The following TMLHE variants were observed in gnomAD, a reference collection of about 807,000 sequenced individuals.
TMLHE encodes trimethyllysine hydroxylase, epsilon.
Under a neutral mutation model 25.7 loss-of-function variants are expected in TMLHE, and 18 were observed. That is an observed-to-expected ratio of 0.70 (90% CI 0.48 to 1.04). The LOEUF (loss-of-function observed/expected upper bound fraction) is 1.04. TMLHE is among the 50% of genes least tolerant of loss of function. The pLI, the probability that TMLHE is intolerant of heterozygous loss-of-function variation, is 0.00. For missense variants in TMLHE, 236 were observed against 259.0 expected (o/e 0.91, Z 0.61); for synonymous variants, 105 against 97.0 (o/e 1.08, Z -0.49).
chrX:155,545,094 A>G lies in TMLHE; in HGVS notation c.181+2T>C. The G allele has an allele frequency of 8.3e-7, 1 of 1,207,973 alleles. No individual in the cohort carries two copies. Among genetic ancestry groups the G allele is most frequent in the Non-Finnish European group, 1.1e-6 (1 of 893,712 alleles). ...AAGTATCTGTCTTCACACATCTCTT[A>G]CCAAAATGATCTTCATGTTGCTGCC... On this transcript the variant is annotated splice_donor_variant, in intron 2 of 7. Coordinates refer to ENST00000334398, the MANE Select transcript of TMLHE (RefSeq NM_018196.4). LOFTEE classifies it high-confidence loss of function.
chrX:155,548,350 G>C (rs1417100241), intron 1 of TMLHE, among the ~76,000 whole-genome samples: 2 of 112,108 alleles, frequency 1.8e-5, no homozygotes, highest in African/African-American at 6.5e-5. Context: ...CCACCCATCT[G>C]ACAAGGGATT....
intron 2 of TMLHE, among the ~76,000 whole-genome samples, chrX:155,527,069 G>A (rs180990153): frequency 5.3e-5 from 6 of 112,208 alleles, no homozygotes; most frequent in East Asian, 2.8e-4. Context: ...GTTGGAAGGC[G>A]TGATTGGTTT....
At chrX:155,581,631 T>A (rs2067629198) in intron 1 of TMLHE, among the ~76,000 whole-genome samples, 1 of 111,261 alleles carries the variant, frequency 9.0e-6, no homozygotes, top group African/African-American at 3.3e-5. Flanking sequence ...ATGAAGGACC[T>A]CTTCAAGGAG....
At chrX:155,534,727 T>C (rs2067268436) in intron 2 of TMLHE, among the ~76,000 whole-genome samples, 1 of 111,778 alleles carries the variant, frequency 8.9e-6, no homozygotes, top group Non-Finnish European at 1.9e-5. Flanking sequence ...TTAGAGTGGA[T>C]GCTGGAATGA....
chrX:155,606,024 TAA>T (rs2067784780), intron 1 of TMLHE, among the ~76,000 whole-genome samples: 1 of 111,453 alleles, frequency 9.0e-6, no homozygotes, highest in South Asian at 3.7e-4. Flanking sequence ...TTACAAATGG[TAA>T]AGAGTCAACA....
chrX:155,583,727 A>G (rs1434946500), intron 1 of TMLHE, among the ~76,000 whole-genome samples: 1 of 112,176 alleles, frequency 8.9e-6, no homozygotes, highest in Admixed American at 9.5e-5. Flanking sequence ...AAAATGCCAC[A>G]TGTTCTCACT....
At chrX:155,552,190 A>AT (rs1327887986) in intron 1 of TMLHE, among the ~76,000 whole-genome samples, 3 of 110,013 alleles carry the variant, frequency 2.7e-5, no homozygotes, top group Non-Finnish European at 5.7e-5. Flanking sequence ...ATTAACCCAA[A>AT]TTTTCCTTTC....
intron 1 of TMLHE, among the ~76,000 whole-genome samples, chrX:155,571,019 T>C (rs146355658): frequency 0.12 from 6,847 of 55,925 alleles, 1,849 homozygotes; most frequent in African/African-American, 0.15. Flanking sequence ...ACAAAAAGAC[T>C]CTTCAAAAAA....
At chrX:155,534,478 C>A (rs1569561977) in intron 2 of TMLHE, among the ~76,000 whole-genome samples, 1 of 111,808 alleles carries the variant, frequency 8.9e-6, no homozygotes, top group South Asian at 3.8e-4. Flanking sequence ...AAGTGATCTG[C>A]CTGCCTTAGC....
At chrX:155,576,724 C>T (rs1303884908) in intron 1 of TMLHE, among the ~76,000 whole-genome samples, 2 of 111,815 alleles carry the variant, frequency 1.8e-5, no homozygotes, top group African/African-American at 6.5e-5. Flanking sequence ...ACCATCTGAT[C>T]TTCAATGAAG....
At chrX:155,560,631 C>A (rs1603065027) in intron 1 of TMLHE, among the ~76,000 whole-genome samples, 1 of 51,836 alleles carries the variant, frequency 1.9e-5, no homozygotes, top group African/African-American at 4.1e-5. Context: ...AGGGGATAGC[C>A]AATGCAAAGG....
intron 4 of TMLHE, among the ~76,000 whole-genome samples, chrX:155,513,684 C>T (rs782451946): frequency 9.1e-5 from 10 of 109,855 alleles, no homozygotes; most frequent in African/African-American, 3.3e-4. Context: ...AGACTACTAT[C>T]CAGTTCTCCT....
intron 1 of TMLHE, among the ~76,000 whole-genome samples, chrX:155,556,783 G>A (rs1288303454): frequency 6.3e-5 from 7 of 110,804 alleles, no homozygotes; most frequent in East Asian, 5.7e-4. Context: ...GCCTGGGAGC[G>A]CTATGGGAGA....
chrX:155,603,851 T>C (rs782361262), intron 1 of TMLHE, among the ~76,000 whole-genome samples: 5 of 112,001 alleles, frequency 4.5e-5, no homozygotes, highest in African/African-American at 1.3e-4. Flanking sequence ...TGATATTGGA[T>C]TGGGCAAAGA....
chrX:155,548,444 A>G (rs1459503352), intron 1 of TMLHE, among the ~76,000 whole-genome samples: 1 of 111,478 alleles, frequency 9.0e-6, no homozygotes, highest in Non-Finnish European at 1.9e-5. Context: ...ATATTTAAAG[A>G]CATCCTACAG....
rs1472013224 is a variant in TMLHE, at chrX:155,577,343, C to A, written c.-1-32066G>T. ...TGTAATCCTAGCACTTTTGGGAGGC[C>A]AAGGCGGGTGGATTGCCTGAGCTCA... On this transcript the variant is annotated intron_variant, in intron 1 of 7. Coordinates refer to ENST00000334398, the MANE Select transcript of TMLHE (RefSeq NM_018196.4). Among the ~76,000 whole-genome samples the A allele has an allele frequency of 6.3e-5, 7 of 111,076 alleles. No homozygotes were observed. In the Admixed American group the frequency reaches 6.7e-4, roughly 11 times the overall value.
At chrX:155,540,084 T>C (rs781995633) in intron 2 of TMLHE, among the ~76,000 whole-genome samples, 18 of 108,969 alleles carry the variant, frequency 1.7e-4, no homozygotes, top group Admixed American at 1.2e-3. Context: ...ATACGCATGA[T>C]GCAAATCACA....
chrX:155,525,749 G>C (rs933285705), intron 2 of TMLHE, among the ~76,000 whole-genome samples: 15 of 112,225 alleles, frequency 1.3e-4, no homozygotes, highest in Non-Finnish European at 2.4e-4. Context: ...GGGAACTGGA[G>C]TAATGGTCAC....
intron 4 of TMLHE, 91 bp from the exon 5 acceptor site, chrX:155,511,883 C>A (rs1384333281): frequency 2.1e-6 from 2 of 936,555 alleles, no homozygotes; most frequent in Non-Finnish European, 2.8e-6. Flanking sequence ...TTTAGTTACT[C>A]ACAAATAACA....
Sources: gnomAD v4.1 joint callset for allele counts (sites outside exome capture counted in the v4.1 genomes callset) on GRCh38, gnomAD v4.1.1 for gene constraint, MANE v1.5 for transcripts, NCBI Gene and HGNC (gene_info 2026-07-23, HGNC 2026-07-21) for gene names.